EYS: variants seen among roughly 807,000 people sequenced by gnomAD.
EYS encodes protein eyes shut homolog.
Under a neutral mutation model 282.1 loss-of-function variants are expected in EYS, and 250 were observed. That is an observed-to-expected ratio of 0.89 (90% CI 0.80 to 0.98). EYS has a LOEUF of 0.98. EYS is among the 50% of genes least tolerant of loss of function. The pLI is 0.00. For missense variants in EYS, 4,016 were observed against 3,709.0 expected (o/e 1.08, Z -2.15); for synonymous variants, 1,355 against 1,282.9 (o/e 1.06, Z -1.20).
chr6:64,135,306 CAAAG>C (rs1486922004), intron 31 of EYS, among the ~76,000 whole-genome samples: 1 of 151,712 alleles, frequency 6.6e-6, no homozygotes, highest in African/African-American at 2.4e-5. Context: ...TGATTATAAA[CAAAG>C]AATAGATCAT....
At chr6:64,886,558 TAA>T in intron 19 of EYS, 137 bp downstream of exon 19, 1 of 525,758 alleles carries the variant, frequency 1.9e-6, no homozygotes. Context: ...ATTTCTTTTA[TAA>T]GAGACAAATT....
At chr6:64,981,214 T>G (rs1455963521) in intron 14 of EYS, among the ~76,000 whole-genome samples, 4 of 151,388 alleles carry the variant, frequency 2.6e-5, no homozygotes, top group Non-Finnish European at 1.5e-5. Flanking sequence ...AGAACTGACA[T>G]GAGAAAAAGA....
chr6:64,941,281 G>A (rs1190815607), intron 15 of EYS, among the ~76,000 whole-genome samples: 1 of 151,988 alleles, frequency 6.6e-6, no homozygotes, highest in Non-Finnish European at 1.5e-5. Flanking sequence ...CTCGGAGGCT[G>A]AGGCAGGAGA....
At chr6:65,142,188 C>T (rs991061839) in intron 12 of EYS, among the ~76,000 whole-genome samples, 3 of 151,882 alleles carry the variant, frequency 2.0e-5, no homozygotes, top group African/African-American at 7.2e-5. Flanking sequence ...TATCGTACCC[C>T]TCAAATATAC....
intron 2 of EYS, among the ~76,000 whole-genome samples, chr6:65,555,009 G>A (rs1224374337): frequency 2.0e-5 from 3 of 148,340 alleles, no homozygotes. Context: ...TTTACACAAG[G>A]AAAAAAAAAA....
chr6:65,586,330 TA>T (rs1180736663), intron 2 of EYS, among the ~76,000 whole-genome samples: 3 of 152,072 alleles, frequency 2.0e-5, no homozygotes, highest in African/African-American at 7.2e-5. Flanking sequence ...TCAAGTAATT[TA>T]AAACAAGAAT....
intron 31 of EYS, among the ~76,000 whole-genome samples, chr6:64,153,066 A>G (rs1347939753): frequency 6.6e-6 from 1 of 152,170 alleles, no homozygotes; most frequent in African/African-American, 2.4e-5. Context: ...GCCTAATAAT[A>G]ACTGTGCTAT....
At chr6:64,654,554 G>T (rs1768679269) in intron 22 of EYS, among the ~76,000 whole-genome samples, 1 of 152,196 alleles carries the variant, frequency 6.6e-6, no homozygotes. Flanking sequence ...GTAGGACCAA[G>T]TTGCAGAGGG....
intron 14 of EYS, among the ~76,000 whole-genome samples, chr6:64,989,685 A>G (rs1259454457): frequency 4.1e-5 from 6 of 145,074 alleles, no homozygotes; most frequent in Admixed American, 2.8e-4. Context: ...ATTAAATTTT[A>G]TATCTTACAT....
chr6:64,672,196 T>A (rs1769486779), intron 22 of EYS, among the ~76,000 whole-genome samples: 1 of 152,224 alleles, frequency 6.6e-6, no homozygotes, highest in African/African-American at 2.4e-5. Context: ...TAGTCTCTGA[T>A]TACCCACTCC....
At chr6:64,313,797 C>T (rs955890210) in intron 29 of EYS, among the ~76,000 whole-genome samples, 1 of 152,116 alleles carries the variant, frequency 6.6e-6, no homozygotes, top group Admixed American at 6.5e-5. Flanking sequence ...AAATAAAATT[C>T]ATTACAGACA....
At chr6:64,097,526 C>T (rs1772670869) in intron 31 of EYS, among the ~76,000 whole-genome samples, 1 of 152,170 alleles carries the variant, frequency 6.6e-6, no homozygotes, top group African/African-American at 2.4e-5. Context: ...ATGAACAAGG[C>T]TGCGTGGGTG....
At chr6:65,285,786 C>T (rs1331135629) in intron 12 of EYS, among the ~76,000 whole-genome samples, 5 of 151,778 alleles carry the variant, frequency 3.3e-5, no homozygotes, top group African/African-American at 7.3e-5. Context: ...GCAGAGCTAA[C>T]CTGGTATCTG....
At chr6:63,997,142 A>C (rs1052186684) in intron 34 of EYS, among the ~76,000 whole-genome samples, 4 of 152,182 alleles carry the variant, frequency 2.6e-5, no homozygotes, top group African/African-American at 9.7e-5. Context: ...TCAGCTCACA[A>C]AATTTTCAGT....
chr6:64,226,083 T>G (rs1766245617), intron 31 of EYS, among the ~76,000 whole-genome samples: 1 of 152,192 alleles, frequency 6.6e-6, no homozygotes, highest in Non-Finnish European at 1.5e-5. Flanking sequence ...AAATCTCTGT[T>G]GTAAGAACTT....
chr6:65,027,335 T>C lies in EYS; in HGVS notation c.2138-29632A>G, dbSNP rs144245906. On this transcript the variant is annotated intron_variant, in intron 13 of 42. Transcript: ENST00000503581. ...AGTTCTAATAAACTTTTCTAATAAATCTGACTTCATTAGAAGTTTTTGTGA... is the reference window on the plus strand; with the variant it reads ...AGTTCTAATAAACTTTTCTAATAAACCTGACTTCATTAGAAGTTTTTGTGA... Among the ~76,000 whole-genome samples the C allele has an allele frequency of 3.3e-5, 5 of 152,304 alleles. No homozygotes were observed. The East Asian group carries it at 5.8e-4, about 18-fold the overall frequency.
At chr6:64,421,189 T>G (rs185699345) in intron 28 of EYS, among the ~76,000 whole-genome samples, 1 of 152,144 alleles carries the variant, frequency 6.6e-6, no homozygotes, top group Non-Finnish European at 1.5e-5. Context: ...GGAGGGGAAG[T>G]AAACATGTCC....
chr6:65,464,812 A>C (rs1196177746), intron 5 of EYS, among the ~76,000 whole-genome samples: 1 of 152,124 alleles, frequency 6.6e-6, no homozygotes, highest in African/African-American at 2.4e-5. Flanking sequence ...TTCAACAAGA[A>C]CCAATGACTA....
intron 12 of EYS, among the ~76,000 whole-genome samples, chr6:65,104,079 G>A (rs960878295): frequency 1.3e-5 from 2 of 151,318 alleles, no homozygotes; most frequent in African/African-American, 4.8e-5. Context: ...TTGCATTATA[G>A]AACATTATAA....
Sources: gnomAD v4.1 joint callset for allele counts (sites outside exome capture counted in the v4.1 genomes callset) on GRCh38, gnomAD v4.1.1 for gene constraint, MANE v1.5 for transcripts, NCBI Gene and HGNC (gene_info 2026-07-23, HGNC 2026-07-21) for gene names.